Variants in COL25A1 observed in about 807,000 individuals in gnomAD.
COL25A1 encodes the protein collagen alpha-1(XXV) chain.
A neutral mutation model predicts 128.4 loss-of-function variants in COL25A1; 103 were observed. The observed-to-expected ratio is 0.80, with a 90% CI of 0.68 to 0.94. COL25A1 has a LOEUF of 0.94. COL25A1 is among the 40% of genes least tolerant of loss of function. COL25A1 has a pLI of 0.00. For synonymous variants in COL25A1, 279 were observed against 277.2 expected (o/e 1.01, Z -0.06); for missense variants, 745 against 840.0 (o/e 0.89, Z 1.40).
At chr4:108,894,081 A>G (rs1741855452) in intron 16 of COL25A1, among the ~76,000 whole-genome samples, 1 of 152,214 alleles carries the variant, frequency 6.6e-6, no homozygotes, top group Non-Finnish European at 1.5e-5. Flanking sequence ...AGAAAAGCTA[A>G]TATTTATTGA....
At chr4:109,184,870 C>T (rs1457365352) in intron 3 of COL25A1, among the ~76,000 whole-genome samples, 1 of 152,112 alleles carries the variant, frequency 6.6e-6, no homozygotes, top group Non-Finnish European at 1.5e-5. Context: ...ATTCCTTATT[C>T]AACAGCTCAA....
At chr4:108,975,985 T>C (rs1752395043) in intron 6 of COL25A1, among the ~76,000 whole-genome samples, 1 of 152,176 alleles carries the variant, frequency 6.6e-6, no homozygotes, top group African/African-American at 2.4e-5. Context: ...AAATATGTTT[T>C]CCCACTTTGT....
At chr4:108,866,625 A>G (rs1275233181) in intron 20 of COL25A1, among the ~76,000 whole-genome samples, 3 of 152,214 alleles carry the variant, frequency 2.0e-5, no homozygotes, top group Non-Finnish European at 4.4e-5. Context: ...TGGGAATAAG[A>G]AATATAGTCT....
intron 3 of COL25A1, among the ~76,000 whole-genome samples, chr4:109,051,966 T>C (rs188400836): frequency 3.3e-5 from 5 of 152,222 alleles, no homozygotes; most frequent in African/African-American, 1.2e-4. Context: ...GAAATTATAA[T>C]GGAAAGTACT....
intron 3 of COL25A1, among the ~76,000 whole-genome samples, chr4:109,125,489 G>A (rs186728805): frequency 5.8e-4 from 89 of 152,206 alleles, no homozygotes; most frequent in African/African-American, 2.0e-3. Context: ...CAAAAAGTGA[G>A]ACTAAAACAG....
chr4:108,908,661 A>AC (rs1324558930), intron 13 of COL25A1, among the ~76,000 whole-genome samples: 1 of 152,214 alleles, frequency 6.6e-6, no homozygotes. Flanking sequence ...AGACAGAGCC[A>AC]ATTTATCAAG....
intron 5 of COL25A1, among the ~76,000 whole-genome samples, chr4:109,041,583 C>T (rs1759902114): frequency 6.6e-6 from 1 of 152,116 alleles, no homozygotes; most frequent in African/African-American, 2.4e-5. Context: ...GCAGTGGAGA[C>T]TGGCTCTTCA....
At chr4:109,270,809 T>C (rs1782140884) in intron 3 of COL25A1, among the ~76,000 whole-genome samples, 1 of 152,212 alleles carries the variant, frequency 6.6e-6, no homozygotes, top group South Asian at 2.1e-4. Flanking sequence ...CTATGGCATA[T>C]AATTACTTCA....
At chr4:108,920,471 TA>T (rs1248571820) in intron 12 of COL25A1, 106 bp downstream of exon 12, 1 of 712,880 alleles carries the variant, frequency 1.4e-6, no homozygotes, top group East Asian at 2.8e-5. Flanking sequence ...CAAACCAGAC[TA>T]ACTGCTTCAG....
chr4:109,114,089 A>T (rs1442237022), intron 3 of COL25A1, among the ~76,000 whole-genome samples: 1 of 152,128 alleles, frequency 6.6e-6, no homozygotes, highest in Non-Finnish European at 1.5e-5. Context: ...TGAACAAGAT[A>T]CAAAGATATT....
chr4:109,025,867 A>G (rs527617096), intron 5 of COL25A1, among the ~76,000 whole-genome samples: 1 of 152,250 alleles, frequency 6.6e-6, no homozygotes, highest in South Asian at 2.1e-4. Context: ...AGTTTCAGAG[A>G]GGTTAAATAA....
chr4:108,854,852 CTATTACTGGG>C (rs1394982821), intron 24 of COL25A1, among the ~76,000 whole-genome samples: 1 of 152,088 alleles, frequency 6.6e-6, no homozygotes. Flanking sequence ...CCCAGCAATC[CTATTACTGGG>C]TATATACTGA....
rs536116356 is a variant in COL25A1 at position 109,181,141 on chromosome 4, C to G, written c.367+119442G>C. 1.2e-4 allele frequency among the ~76,000 whole-genome samples: 18 copies of G among 152,208 alleles called. No individual in the cohort carries two copies. In the South Asian group the frequency reaches 3.3e-3, roughly 28 times the overall value. On this transcript the variant is annotated intron_variant, in intron 3 of 37. Coordinates refer to ENST00000399132, the MANE Select transcript of COL25A1 (RefSeq NM_198721.4). The stretch of plus-strand genomic sequence containing the variant: ...TTTTTAAAGCTTTTCACAAGCCCAC[C>G]AAGTTTCTGATAGCCTGTTCTACTT...
At chr4:108,863,294 A>G (rs112082434) in intron 21 of COL25A1, 25 bp downstream of exon 21, 127 of 1,608,334 alleles carry the variant, frequency 7.9e-5, no homozygotes, top group African/African-American at 4.9e-4. Context: ...GAGAATGGTT[A>G]TTTTCCAGTT....
At chr4:108,855,920 T>C (rs1306291326) in intron 24 of COL25A1, among the ~76,000 whole-genome samples, 1 of 152,172 alleles carries the variant, frequency 6.6e-6, no homozygotes, top group Admixed American at 6.6e-5. Flanking sequence ...TAAAGCTATA[T>C]AAACTCAACA....
At chr4:108,837,341 G>A (rs1162506778) in intron 31 of COL25A1, among the ~76,000 whole-genome samples, 1 of 151,682 alleles carries the variant, frequency 6.6e-6, no homozygotes, top group Non-Finnish European at 1.5e-5. Flanking sequence ...GTTCTTTGTT[G>A]ATTTGTATCT....
At chr4:108,997,898 G>C (rs1425187959) in intron 6 of COL25A1, among the ~76,000 whole-genome samples, 1 of 152,102 alleles carries the variant, frequency 6.6e-6, no homozygotes, top group Non-Finnish European at 1.5e-5. Context: ...AATTGATGCA[G>C]AAAAGGCTTT....
chr4:108,848,931 A>C (rs1365900799), intron 26 of COL25A1, 128 bp from the exon 27 acceptor site: 1 of 689,324 alleles, frequency 1.5e-6, no homozygotes. Context: ...ACCCGAGAAT[A>C]TTCTATTATA....
intron 37 of COL25A1, among the ~76,000 whole-genome samples, chr4:108,816,201 C>T (rs1358670318): frequency 2.6e-5 from 4 of 152,078 alleles, no homozygotes; most frequent in South Asian, 2.1e-4. Context: ...AAATAAATGA[C>T]GCTACTTAGA....
Sources: gnomAD v4.1 joint callset for allele counts (sites outside exome capture counted in the v4.1 genomes callset) on GRCh38, gnomAD v4.1.1 for gene constraint, MANE v1.5 for transcripts, NCBI Gene and HGNC (gene_info 2026-07-23, HGNC 2026-07-21) for gene names.